ME3: variants seen among roughly 807,000 people sequenced by gnomAD.
The protein encoded by ME3 is malic enzyme 3.
ME3 carries 48 observed loss-of-function variants against 68.9 expected under a neutral mutation model. The ratio of observed to expected loss-of-function variants is 0.70; its 90% CI spans 0.55 to 0.89. ME3 has a LOEUF of 0.89. Among genes scored for constraint, ME3 ranks in the 40% least tolerant of loss-of-function variants. The pLI is 0.00. For synonymous variants in ME3, 320 were observed against 318.8 expected, an observed-to-expected ratio of 1.00 and a Z score of -0.04; for missense variants, 675 against 797.4, an observed-to-expected ratio of 0.85 and a Z score of 1.85.
intron 2 of ME3, among the ~76,000 whole-genome samples, chr11:86,664,317 A>G (rs1441338594): frequency 1.3e-5 from 2 of 152,236 alleles, no homozygotes; most frequent in Non-Finnish European, 1.5e-5. Flanking sequence ...TTACAATAAC[A>G]TTCATGAGTA....
rs1167587380 is a variant in ME3, at chr11:86,557,899, C to T, written c.318-1197G>A. On this transcript the variant is annotated intron_variant, in intron 3 of 14. Transcript: ENST00000543262. ...CCATAATTTCCTATCCCGCCCCTCACCCAGCACAGATAACCAGTTATTAAA... is the reference window on the plus strand; with the variant it reads ...CCATAATTTCCTATCCCGCCCCTCATCCAGCACAGATAACCAGTTATTAAA... Among the ~76,000 whole-genome samples, 4 of 152,162 alleles carry T rather than the reference C, an allele frequency of 2.6e-5. 1 individual carries two copies. Among genetic ancestry groups the T allele is most frequent in the Admixed American group, 2.0e-4 (3 of 15,286 alleles).
intron 7 of ME3, among the ~76,000 whole-genome samples, chr11:86,471,704 C>T (rs1002344620): frequency 6.6e-6 from 1 of 152,154 alleles, no homozygotes; most frequent in African/African-American, 2.4e-5. Flanking sequence ...TGGCACATGC[C>T]AGTCATCCCA....
At chr11:86,557,270 T>G (rs1015671054) in intron 3 of ME3, among the ~76,000 whole-genome samples, 1 of 152,146 alleles carries the variant, frequency 6.6e-6, no homozygotes, top group East Asian at 1.9e-4. Context: ...AAATAATCTC[T>G]CTTTTACCTA....
intron 7 of ME3, among the ~76,000 whole-genome samples, chr11:86,478,544 T>C (rs1951213850): frequency 6.6e-6 from 1 of 152,166 alleles, no homozygotes; most frequent in Non-Finnish European, 1.5e-5. Context: ...GCCTCTAATC[T>C]CTTCCCACAT....
rs776563089 is a variant in ME3 at position 86,588,381 on chromosome 11, TTAAC to T, written c.184-28562_184-28559del. 3.3e-5 allele frequency among the ~76,000 whole-genome samples: 5 copies of T among 152,212 alleles called. No individual in the cohort carries two copies. The East Asian group carries it at 7.7e-4, about 23-fold the overall frequency. ...CTGTTTGCTAACACACATTAATTAC[TTAAC>T]TAATTTTCTGGGGCTCTCACACTGT... On this transcript the variant is annotated intron_variant, in intron 2 of 14. Transcript: ENST00000543262.
Position 86,556,428 on chromosome 11 carries a change from T to C in ME3, c.467+125A>G, listed in dbSNP as rs530849278. On this transcript the variant is annotated intron_variant, in intron 4 of 14. Coordinates refer to ENST00000543262, the Ensembl canonical transcript of ME3. Reference sequence around the variant, plus strand: ...AGCAAGTGCTTGAAATCAAATGTCTTTTTGTTGGACCACTGACCCAATCAG... The same window carrying C: ...AGCAAGTGCTTGAAATCAAATGTCTCTTTGTTGGACCACTGACCCAATCAG... 9 of 1,189,928 alleles carry C rather than the reference T, an allele frequency of 7.6e-6. No homozygotes were observed. The African/African-American group carries it at 1.2e-4, about 16-fold the overall frequency. The allele number at this position is 1,189,928 out of a possible 1,614,324, so 73.7% of individuals were successfully genotyped here.
At chr11:86,614,744 T>A (rs999460252) in intron 2 of ME3, among the ~76,000 whole-genome samples, 17 of 152,282 alleles carry the variant, frequency 1.1e-4, no homozygotes, top group African/African-American at 4.1e-4. Flanking sequence ...AACACTTCCC[T>A]GAGTTAAGTG....
intron 2 of ME3, among the ~76,000 whole-genome samples, chr11:86,658,074 G>T (rs186414948): frequency 1.3e-5 from 2 of 152,158 alleles, no homozygotes; most frequent in East Asian, 1.9e-4. Flanking sequence ...CTTTAAGGAA[G>T]AAGAGGCCAT....
chr11:86,556,613 A>G (rs1337478692), exon 4 of ME3: 3 of 1,614,032 alleles, frequency 1.9e-6, no homozygotes, highest in Non-Finnish European at 2.5e-6. Context: ...AGGCGTGTAC[A>G]CGATTGGCAT....
exon 10 of ME3, chr11:86,449,918 T>C (rs1324818233): frequency 6.2e-7 from 1 of 1,614,026 alleles, no homozygotes; most frequent in South Asian, 1.1e-5. Context: ...GAGTCCACCA[T>C]CCAGATCTTT....
At chr11:86,553,148 G>A (rs1956776140) in intron 4 of ME3, among the ~76,000 whole-genome samples, 1 of 152,218 alleles carries the variant, frequency 6.6e-6, no homozygotes. Flanking sequence ...GGCAAAGGAG[G>A]CTCCACCAGA....
At chr11:86,603,685 G>T (rs1318019644) in intron 2 of ME3, among the ~76,000 whole-genome samples, 1 of 151,954 alleles carries the variant, frequency 6.6e-6, no homozygotes, top group East Asian at 1.9e-4. Flanking sequence ...GCAAAGACTT[G>T]GAACCAACCC....
chr11:86,540,379 G>T (rs1397555755), intron 4 of ME3, among the ~76,000 whole-genome samples: 1 of 152,148 alleles, frequency 6.6e-6, no homozygotes, highest in Non-Finnish European at 1.5e-5. Context: ...TGTTAGCCCT[G>T]TATGTAAGCC....
At chr11:86,629,493 A>C (rs1228662427) in intron 2 of ME3, among the ~76,000 whole-genome samples, 1 of 152,238 alleles carries the variant, frequency 6.6e-6, no homozygotes, top group African/African-American at 2.4e-5. Context: ...TCCTCCCACC[A>C]GGAACTAGTA....
At chr11:86,553,352 A>G (rs147566381) in intron 4 of ME3, among the ~76,000 whole-genome samples, 255 of 152,352 alleles carry the variant, frequency 1.7e-3, no homozygotes, top group African/African-American at 5.7e-3. Context: ...GGAACCTGGC[A>G]GGAGTGTTTA....
At chr11:86,607,830 C>A (rs1275469729) in intron 2 of ME3, among the ~76,000 whole-genome samples, 1 of 151,898 alleles carries the variant, frequency 6.6e-6, no homozygotes, top group African/African-American at 2.4e-5. Flanking sequence ...ACGCCTACTC[C>A]CCGTTCGACA....
At chr11:86,500,953 G>T (rs797010741) in intron 5 of ME3, among the ~76,000 whole-genome samples, 9 of 152,192 alleles carry the variant, frequency 5.9e-5, no homozygotes, top group African/African-American at 2.2e-4. Context: ...GCCAAGACCC[G>T]CACAAGGTGT....
chr11:86,458,212 A>G (rs929093170), intron 8 of ME3, among the ~76,000 whole-genome samples: 18 of 152,250 alleles, frequency 1.2e-4, no homozygotes, highest in African/African-American at 4.1e-4. Flanking sequence ...TCTCTGGGCT[A>G]GGCCTTGAAT....
intron 4 of ME3, among the ~76,000 whole-genome samples, chr11:86,545,123 C>A (rs1294189819): frequency 2.9e-5 from 2 of 69,228 alleles, no homozygotes; most frequent in East Asian, 7.8e-4. Flanking sequence ...AAATTCAACA[C>A]CCTTCATGCT....
Sources: gnomAD v4.1 joint callset for allele counts (sites outside exome capture counted in the v4.1 genomes callset) on GRCh38, gnomAD v4.1.1 for gene constraint, MANE v1.5 for transcripts, NCBI Gene and HGNC (gene_info 2026-07-23, HGNC 2026-07-21) for gene names.